PARP8: variants seen among roughly 807,000 people sequenced by gnomAD.
PARP8 encodes the protein poly(ADP-ribose) polymerase family member 8, also known as protein mono-ADP-ribosyltransferase PARP8.
Under a neutral mutation model 124.1 loss-of-function variants are expected in PARP8, and 51 were observed. The ratio of observed to expected loss-of-function variants is 0.41; its 90% CI spans 0.33 to 0.52. The LOEUF is 0.52. Among genes scored for constraint, PARP8 ranks in the 20% least tolerant of loss-of-function variants. The pLI is 0.21. For synonymous variants in PARP8, 391 were observed against 361.5 expected, an observed-to-expected ratio of 1.08 and a Z score of -0.93; for missense variants, 860 against 1,018.9, an observed-to-expected ratio of 0.84 and a Z score of 2.12.
At chr5:50,831,226 C>T (rs1369492316) in intron 22 of PARP8, among the ~76,000 whole-genome samples, 1 of 152,024 alleles carries the variant, frequency 6.6e-6, no homozygotes, top group Non-Finnish European at 1.5e-5. Flanking sequence ...GTAACTATTG[C>T]TGTTCAACAA....
intron 14 of PARP8, among the ~76,000 whole-genome samples, chr5:50,809,717 G>T (rs1295803304): frequency 6.6e-6 from 1 of 151,792 alleles, no homozygotes; most frequent in East Asian, 1.9e-4. Flanking sequence ...TATCTGTTTT[G>T]TATATTGGAC....
intron 22 of PARP8, among the ~76,000 whole-genome samples, chr5:50,831,432 C>T (rs1746972859): frequency 6.6e-6 from 1 of 152,002 alleles, no homozygotes. Context: ...GAATTGGACT[C>T]CATCTCTTGT....
chr5:50,671,420 C>G (rs1257034081), intron 2 of PARP8, among the ~76,000 whole-genome samples: 1 of 151,840 alleles, frequency 6.6e-6, no homozygotes, highest in South Asian at 2.1e-4. Context: ...CTCTGGAATT[C>G]CGAGTGTGAA....
Position 50,711,702 on chromosome 5 carries a change from C to T in PARP8, c.147-38449C>T, listed in dbSNP as rs193197337. Among the ~76,000 whole-genome samples, 4 of 152,176 alleles carry T rather than the reference C, an allele frequency of 2.6e-5. No homozygotes were observed. The East Asian group carries it at 7.7e-4, about 29-fold the overall frequency. ...CCCGCCCTAAACCCCAACCCTCCTG[C>T]CCATAATCCAACATACATTTCTGCA... On this transcript the variant is annotated intron_variant, in intron 2 of 25. Coordinates refer to ENST00000281631, the MANE Select transcript of PARP8 (RefSeq NM_024615.4).
chr5:50,667,976 C>G (rs548108830), intron 1 of PARP8, 95 bp from the exon 2 acceptor site: 15 of 1,603,800 alleles, frequency 9.4e-6, no homozygotes, highest in Non-Finnish European at 1.3e-5. Flanking sequence ...CCGGCCAGGC[C>G]TCCCCTGACA....
At chr5:50,771,235 C>CT (rs1315572786) in intron 7 of PARP8, among the ~76,000 whole-genome samples, 1 of 152,068 alleles carries the variant, frequency 6.6e-6, no homozygotes, top group Non-Finnish European at 1.5e-5. Context: ...TCTTGGCTCA[C>CT]TGCAACCTCC....
rs1482293060 is a variant in PARP8 at position 50,701,527 on chromosome 5, A to G, written c.146+33402A>G. On this transcript the variant is annotated intron_variant, in intron 2 of 25. Transcript: ENST00000281631. ...TGCATAGTTTTCATAAGTGGCATGC[A>G]ATATATATGGATTTCTAATTATGTA... 2.0e-5 allele frequency among the ~76,000 whole-genome samples: 3 copies of G among 152,142 alleles called. No individual in the cohort carries two copies. The East Asian group carries it at 5.8e-4, about 29-fold the overall frequency.
intron 18 of PARP8, 41 bp from the exon 19 acceptor site, chr5:50,826,713 AT>A: frequency 6.5e-7 from 1 of 1,549,484 alleles, no homozygotes; most frequent in East Asian, 2.4e-5. Flanking sequence ...CTTTAAATAT[AT>A]TTGGCATGTA....
chr5:50,749,846 T>C (rs1475517971), intron 2 of PARP8, among the ~76,000 whole-genome samples: 1 of 152,078 alleles, frequency 6.6e-6, no homozygotes, highest in Non-Finnish European at 1.5e-5. Context: ...GATCATATAA[T>C]AGGAAAAATA....
At chr5:50,828,265 TA>T (rs1368393517) in intron 20 of PARP8, 46 bp from the exon 21 acceptor site, 1 of 1,543,700 alleles carries the variant, frequency 6.5e-7, no homozygotes, top group African/African-American at 1.4e-5. Context: ...ACTTTGAAGA[TA>T]ATTAATTTTC....
rs369235911 is a variant in PARP8 at position 50,805,304 on chromosome 5, AG to A, written c.1575+8073del. 2.0e-3 allele frequency among the ~76,000 whole-genome samples: 298 copies of A among 152,222 alleles called. 3 individuals are homozygous for A. The highest frequency in any genetic ancestry group is 6.8e-3 in the African/African-American group (282 of 41,572). ...ATATCTATCATAGTTAACAGAAGAA[AG>A]GAGGTTATTGAGGGTTGTGTGCCAG... On this transcript the variant is annotated intron_variant, in intron 14 of 25. Transcript: ENST00000281631.
intron 14 of PARP8, among the ~76,000 whole-genome samples, chr5:50,805,929 G>A (rs1743790797): frequency 1.3e-5 from 2 of 151,876 alleles, no homozygotes; most frequent in Admixed American, 6.6e-5. Flanking sequence ...GAGAATAGGG[G>A]GATTTCTCTG....
intron 25 of PARP8, among the ~76,000 whole-genome samples, chr5:50,839,650 C>T (rs891673947): frequency 3.2e-5 from 4 of 124,320 alleles, no homozygotes; most frequent in Non-Finnish European, 6.7e-5. Context: ...TTTAAGCATA[C>T]TGTCTCTCTC....
chr5:50,707,448 A>C (rs1200885208), intron 2 of PARP8, among the ~76,000 whole-genome samples: 1 of 152,076 alleles, frequency 6.6e-6, no homozygotes, highest in African/African-American at 2.4e-5. Context: ...AGCTACCTAG[A>C]ATTCATAATC....
intron 3 of PARP8, among the ~76,000 whole-genome samples, chr5:50,755,979 G>C (rs1053477681): frequency 6.6e-6 from 1 of 152,030 alleles, no homozygotes; most frequent in Non-Finnish European, 1.5e-5. Flanking sequence ...TTGGCTCTCT[G>C]TTTGTCTGTT....
chr5:50,817,484 G>A lies in PARP8; in HGVS notation c.1668+1960G>A, dbSNP rs557662543. Among the ~76,000 whole-genome samples, 23 of 152,160 alleles carry A rather than the reference G, an allele frequency of 1.5e-4. 1 individual carries two copies. Among genetic ancestry groups the A allele is most frequent in the South Asian group, 4.1e-4 (2 of 4,822 alleles). ...AGGATCTCATTGCCTCAGTTTACCCGTGCATTTTAAGTGGTGCTCTGGGGG... is the reference window on the plus strand; with the variant it reads ...AGGATCTCATTGCCTCAGTTTACCCATGCATTTTAAGTGGTGCTCTGGGGG... On this transcript the variant is annotated intron_variant, in intron 15 of 25. Coordinates refer to ENST00000281631, the MANE Select transcript of PARP8 (RefSeq NM_024615.4).
At chr5:50,716,223 A>T (rs2149495245) in intron 2 of PARP8, among the ~76,000 whole-genome samples, 1 of 152,264 alleles carries the variant, frequency 6.6e-6, no homozygotes, top group East Asian at 1.9e-4. Context: ...AAGGAAGATG[A>T]CTATGATGTG....
intron 2 of PARP8, among the ~76,000 whole-genome samples, chr5:50,728,810 G>A (rs1756687938): frequency 6.6e-6 from 1 of 152,024 alleles, no homozygotes; most frequent in African/African-American, 2.4e-5. Context: ...TAATTTTGAT[G>A]TCACTCTTAA....
chr5:50,754,429 T>C (rs1048904805), intron 3 of PARP8, among the ~76,000 whole-genome samples: 16 of 151,180 alleles, frequency 1.1e-4, no homozygotes, highest in Middle Eastern at 3.4e-3. Context: ...TGAGAACATG[T>C]GGTGTTTGGT....
Sources: gnomAD v4.1 joint callset for allele counts (sites outside exome capture counted in the v4.1 genomes callset) on GRCh38, gnomAD v4.1.1 for gene constraint, MANE v1.5 for transcripts, NCBI Gene and HGNC (gene_info 2026-07-23, HGNC 2026-07-21) for gene names.